GRM8: variants seen among roughly 807,000 people sequenced by gnomAD.
The protein encoded by GRM8 is glutamate metabotropic receptor 8, also known as metabotropic glutamate receptor 8.
Under a neutral mutation model 87.2 loss-of-function variants are expected in GRM8, and 47 were observed. The ratio of observed to expected loss-of-function variants is 0.54; its 90% CI spans 0.43 to 0.69. GRM8 has a LOEUF of 0.69. Among genes scored for constraint, GRM8 ranks in the 30% least tolerant of loss-of-function variants. The pLI is 0.00. For synonymous variants in GRM8, 396 were observed against 404.5 expected (o/e 0.98, Z 0.25); for missense variants, 1,019 against 1,139.2 (o/e 0.89, Z 1.52).
chr7:127,233,253 C>A lies in GRM8; in HGVS notation c.510+9442G>T, dbSNP rs12333582. ...GGGCAGTCTGACTACAGAGCCCAAC[C>A]TATTTCATATAATTCATATTAATCT... On this transcript the variant is annotated intron_variant, in intron 2 of 10. Coordinates refer to ENST00000339582, the MANE Select transcript of GRM8 (RefSeq NM_000845.3). Among the ~76,000 whole-genome samples, 995 of 152,252 alleles carry A rather than the reference C, an allele frequency of 6.5e-3. 8 individuals are homozygous for A. The highest frequency in any genetic ancestry group is 0.024 in the Middle Eastern group (7 of 294).
At chr7:126,775,704 G>T (rs1819391921) in intron 6 of GRM8, among the ~76,000 whole-genome samples, 1 of 152,034 alleles carries the variant, frequency 6.6e-6, no homozygotes, top group Non-Finnish European at 1.5e-5. Context: ...GATAGAAGCA[G>T]CTGGCTAGGG....
rs552468473 is a variant in GRM8, at chr7:127,032,915, A to G, written c.727+73581T>C. Among the ~76,000 whole-genome samples, 3 of 152,070 alleles carry G rather than the reference A, an allele frequency of 2.0e-5. No homozygotes were observed. The South Asian group carries it at 6.2e-4, about 32-fold the overall frequency. ...AAGCATCTTTTGCTGTACAATCTAG[A>G]GAGAAAGGCTTCTATCTAAAACTTC... On this transcript the variant is annotated intron_variant, in intron 3 of 10. Transcript: ENST00000339582.
At chr7:126,795,515 T>C (rs1241167374) in intron 6 of GRM8, among the ~76,000 whole-genome samples, 1 of 152,100 alleles carries the variant, frequency 6.6e-6, no homozygotes, top group Non-Finnish European at 1.5e-5. Context: ...ATCAGCTAAA[T>C]TCTTTTATAA....
chr7:126,881,072 G>A (rs756749057), intron 6 of GRM8, among the ~76,000 whole-genome samples: 34 of 152,172 alleles, frequency 2.2e-4, no homozygotes, highest in South Asian at 1.5e-3. Flanking sequence ...AACATGCTTT[G>A]AAAATTATCT....
chr7:127,196,704 C>G (rs1380198595), intron 2 of GRM8, among the ~76,000 whole-genome samples: 9 of 152,152 alleles, frequency 5.9e-5, no homozygotes, highest in Non-Finnish European at 4.4e-5. Context: ...TAAAGCAGAG[C>G]CTTGAGCAAG....
chr7:126,991,773 T>C (rs2131953046), intron 3 of GRM8, among the ~76,000 whole-genome samples: 1 of 152,268 alleles, frequency 6.6e-6, no homozygotes, highest in East Asian at 1.9e-4. Flanking sequence ...GGAAAGTGTA[T>C]GGTCTATATT....
At chr7:126,809,848 T>C (rs1396810831) in intron 6 of GRM8, among the ~76,000 whole-genome samples, 1 of 152,138 alleles carries the variant, frequency 6.6e-6, no homozygotes, top group Non-Finnish European at 1.5e-5. Flanking sequence ...CCTATTTTCC[T>C]AGATTCTCAA....
intron 6 of GRM8, among the ~76,000 whole-genome samples, chr7:126,887,243 A>AT (rs1800582820): frequency 1.3e-5 from 2 of 152,148 alleles, no homozygotes; most frequent in African/African-American, 4.8e-5. Context: ...GACAAATTGA[A>AT]TAATAAGACT....
chr7:127,026,352 G>C (rs1816779841), intron 3 of GRM8, among the ~76,000 whole-genome samples: 1 of 152,054 alleles, frequency 6.6e-6, no homozygotes, highest in Non-Finnish European at 1.5e-5. Context: ...ATAATCCTTT[G>C]GGTATATACC....
chr7:126,464,584 T>C (rs1239455375), intron 9 of GRM8, among the ~76,000 whole-genome samples: 5 of 151,680 alleles, frequency 3.3e-5, no homozygotes, highest in Admixed American at 6.6e-5. Context: ...GAGGTGATTT[T>C]TCTCTGTTGG....
chr7:126,632,577 G>A (rs924034892), intron 7 of GRM8, among the ~76,000 whole-genome samples: 1 of 152,050 alleles, frequency 6.6e-6, no homozygotes, highest in Non-Finnish European at 1.5e-5. Flanking sequence ...AAAGATACCT[G>A]CACACATATG....
At chr7:126,490,676 CCT>C (rs1318705142) in intron 9 of GRM8, among the ~76,000 whole-genome samples, 1 of 151,996 alleles carries the variant, frequency 6.6e-6, no homozygotes, top group Non-Finnish European at 1.5e-5. Flanking sequence ...TGCTGCCTCC[CCT>C]GTTTCAGTCA....
chr7:126,482,366 C>A (rs1010040652), intron 9 of GRM8, among the ~76,000 whole-genome samples: 1 of 152,046 alleles, frequency 6.6e-6, no homozygotes, highest in Admixed American at 6.6e-5. Flanking sequence ...TTGACAGTAG[C>A]ATTATTCATA....
rs561502181 is a variant in GRM8, at chr7:127,006,714, A to G, written c.727+99782T>C. Among the ~76,000 whole-genome samples the G allele has an allele frequency of 3.5e-4, 53 of 151,836 alleles. 2 individuals are homozygous for G. Among genetic ancestry groups the G allele is most frequent in the African/African-American group, 1.2e-3 (51 of 41,444 alleles). ...GCATTTTCTTTTTTCCTCAGTTTCCATTGCTGGATCCTCCTCTCAATATTC... is the reference window on the plus strand; with the variant it reads ...GCATTTTCTTTTTTCCTCAGTTTCCGTTGCTGGATCCTCCTCTCAATATTC... On this transcript the variant is annotated intron_variant, in intron 3 of 10. Coordinates refer to ENST00000339582, the MANE Select transcript of GRM8 (RefSeq NM_000845.3).
intron 2 of GRM8, among the ~76,000 whole-genome samples, chr7:127,137,377 T>C (rs1390966764): frequency 1.3e-5 from 2 of 152,140 alleles, no homozygotes; most frequent in African/African-American, 4.8e-5. Context: ...CACTACATTA[T>C]GGGCCATTAC....
At chr7:126,600,221 A>C (rs1210650074) in intron 8 of GRM8, among the ~76,000 whole-genome samples, 1 of 152,172 alleles carries the variant, frequency 6.6e-6, no homozygotes, top group African/African-American at 2.4e-5. Flanking sequence ...ATAAATTAGA[A>C]ATCCGTTGAT....
At chr7:126,835,966 G>C (rs567454927) in intron 6 of GRM8, among the ~76,000 whole-genome samples, 1 of 152,276 alleles carries the variant, frequency 6.6e-6, no homozygotes, top group Admixed American at 6.5e-5. Context: ...GAGAATGGAA[G>C]TAAGAGAAAA....
chr7:126,794,432 C>T (rs1821735253), intron 6 of GRM8, among the ~76,000 whole-genome samples: 1 of 151,666 alleles, frequency 6.6e-6, no homozygotes, highest in South Asian at 2.1e-4. Context: ...CATCACAGAC[C>T]CATTTTCCAA....
chr7:126,972,689 T>G (rs1810552622), intron 3 of GRM8, among the ~76,000 whole-genome samples: 1 of 152,230 alleles, frequency 6.6e-6, no homozygotes, highest in Non-Finnish European at 1.5e-5. Context: ...TGCCGTATTT[T>G]GTGCTTTAAA....
Sources: allele counts gnomAD v4.1 joint callset (sites outside exome capture counted in the v4.1 genomes callset), GRCh38; gene constraint gnomAD v4.1.1; transcripts MANE v1.5; gene names NCBI Gene and HGNC (gene_info 2026-07-23, HGNC 2026-07-21).